Variants in COL11A1 observed in about 807,000 individuals in gnomAD.
COL11A1 encodes collagen type XI alpha 1 chain.
In COL11A1, 74 loss-of-function variants were observed where a neutral mutation model predicts 265.2. The ratio of observed to expected loss-of-function variants is 0.28; its 90% CI spans 0.23 to 0.34. The LOEUF is 0.34. COL11A1 is among the 10% of genes least tolerant of loss of function. The pLI is 1.00. For missense variants in COL11A1, 2,165 were observed against 2,263.6 expected, an observed-to-expected ratio of 0.96 and a Z score of 0.88; for synonymous variants, 816 against 727.6, an observed-to-expected ratio of 1.12 and a Z score of -1.96.
At chr1:103,057,345 C>T (rs904907696) in intron 4 of COL11A1, among the ~76,000 whole-genome samples, 1 of 152,180 alleles carries the variant, frequency 6.6e-6, no homozygotes, top group Non-Finnish European at 1.5e-5. Flanking sequence ...CATCCTTGAG[C>T]TCCATTTCCA....
intron 13 of COL11A1, among the ~76,000 whole-genome samples, chr1:103,012,970 G>A (rs1439079369): frequency 1.3e-5 from 2 of 152,078 alleles, no homozygotes; most frequent in Non-Finnish European, 2.9e-5. Context: ...TAATGCTATA[G>A]AGAAGAATGT....
At chr1:102,989,108 T>A (rs1466385167) in intron 29 of COL11A1, among the ~76,000 whole-genome samples, 1 of 152,080 alleles carries the variant, frequency 6.6e-6, no homozygotes, top group Admixed American at 6.6e-5. Flanking sequence ...TAATGAAAAT[T>A]CATGAAAGTT....
chr1:102,943,469 A>G (rs1030281327), intron 42 of COL11A1, among the ~76,000 whole-genome samples: 7 of 149,272 alleles, frequency 4.7e-5, no homozygotes, highest in Non-Finnish European at 1.0e-4. Flanking sequence ...ACACACACAC[A>G]CACACACACA....
At chr1:103,086,892 A>G (rs556046759) in intron 1 of COL11A1, among the ~76,000 whole-genome samples, 86 of 152,336 alleles carry the variant, frequency 5.6e-4, no homozygotes, top group Non-Finnish European at 1.0e-3. Context: ...TTTTATTTCA[A>G]GTGAACTAAA....
At chr1:103,008,318 T>C (rs567538416) in intron 15 of COL11A1, 145 bp downstream of exon 15, 15 of 674,758 alleles carry the variant, frequency 2.2e-5, no homozygotes, top group Non-Finnish European at 3.4e-5. Context: ...TTCTCTGAAT[T>C]TTTTAATTTC....
Position 103,053,690 on chromosome 1 carries a change from A to G in COL11A1, c.651+20928T>C, listed in dbSNP as rs188499854. 7.2e-5 allele frequency among the ~76,000 whole-genome samples: 11 copies of G among 152,344 alleles called. No homozygotes were observed. The East Asian group carries it at 1.5e-3, about 21-fold the overall frequency. ...AAGTTGTGGCTCTGTCTACTCTTAT[A>G]CAAGTGGTCAGTAGTGGAACTTAAA... On this transcript the variant is annotated intron_variant, in intron 4 of 66. Transcript: ENST00000370096.
intron 45 of COL11A1, 82 bp downstream of exon 45, chr1:102,934,978 A>G: frequency 7.5e-7 from 1 of 1,332,044 alleles, no homozygotes; most frequent in South Asian, 1.2e-5. Flanking sequence ...ACCCCACAAA[A>G]TTGACTGGTT....
chr1:102,913,178 G>C (rs1654895890), intron 53 of COL11A1, among the ~76,000 whole-genome samples: 3 of 152,008 alleles, frequency 2.0e-5, no homozygotes, highest in Non-Finnish European at 4.4e-5. Flanking sequence ...ATAACTAAAT[G>C]TGGTCAAAGT....
At chr1:102,979,210 T>C in intron 32 of COL11A1, 106 bp from the exon 33 acceptor site, 3 of 1,297,816 alleles carry the variant, frequency 2.3e-6, no homozygotes, top group Non-Finnish European at 3.3e-6. Flanking sequence ...CATTCATTCA[T>C]TCGTATTCAT....
At chr1:102,937,146 T>C (rs895148383) in intron 44 of COL11A1, among the ~76,000 whole-genome samples, 1 of 152,166 alleles carries the variant, frequency 6.6e-6, no homozygotes, top group African/African-American at 2.4e-5. Context: ...TACATAAATA[T>C]TTTAAATATA....
intron 31 of COL11A1, among the ~76,000 whole-genome samples, chr1:102,983,243 T>C (rs995808921): frequency 5.9e-5 from 9 of 152,094 alleles, no homozygotes; most frequent in African/African-American, 1.9e-4. Context: ...TTAAAACATG[T>C]ATATTTCAAA....
chr1:103,078,794 T>C lies in COL11A1; in HGVS notation c.352A>G (p.Ile118Val), dbSNP rs202212358. The C allele has an allele frequency of 2.5e-6, 4 of 1,612,522 alleles. No homozygotes were observed. The highest frequency in any genetic ancestry group is 2.2e-5 in the East Asian group (1 of 44,830). The change falls in exon 3 of 67, where the codon ATA becomes GTA. Residue 118 changes from isoleucine (I) to valine (V), a missense_variant. By Grantham distance (29) the Ile-to-Val change is conservative. Transcript: ENST00000370096. ...KKGIQSFLLS[I>V]YNEHGIQQIG... ...TGCTGAATACCATGCTCATTATATA[T>C]AGATAAAAGGAAAGACTGAATTCCT...
chr1:103,105,745 T>G (rs1410015853), intron 1 of COL11A1, among the ~76,000 whole-genome samples: 1 of 152,170 alleles, frequency 6.6e-6, no homozygotes, highest in Non-Finnish European at 1.5e-5. Context: ...GACACTGGGT[T>G]TATTTTTCCC....
chr1:103,011,275 T>G (rs1010288690), intron 14 of COL11A1, among the ~76,000 whole-genome samples: 4 of 152,136 alleles, frequency 2.6e-5, no homozygotes, highest in African/African-American at 9.7e-5. Flanking sequence ...TAACTCTATT[T>G]CATTGGTTAA....
At chr1:102,995,607 A>G (rs900997159) in intron 28 of COL11A1, among the ~76,000 whole-genome samples, 11 of 105,422 alleles carry the variant, frequency 1.0e-4, no homozygotes, top group African/African-American at 3.6e-4. Context: ...AAGCACATGT[A>G]AAAAAAAAAA....
chr1:102,952,987 T>A (rs1190973533), intron 41 of COL11A1, among the ~76,000 whole-genome samples: 1 of 152,204 alleles, frequency 6.6e-6, no homozygotes, highest in African/African-American at 2.4e-5. Context: ...ATCTATTCTC[T>A]TGGGACACTT....
At chr1:103,086,486 G>A (rs1672872752) in intron 1 of COL11A1, among the ~76,000 whole-genome samples, 2 of 152,112 alleles carry the variant, frequency 1.3e-5, no homozygotes, top group South Asian at 4.2e-4. Flanking sequence ...GCGCGATCTC[G>A]GCTCGCTGCA....
rs868116129 is a variant in COL11A1, at chr1:102,940,349, G to A, written c.3362C>T (p.Ser1121Phe). 6.2e-7 allele frequency: 1 copy of A among 1,613,830 alleles called. No individual in the cohort carries two copies. Among genetic ancestry groups the A allele is most frequent in the African/African-American group, 1.3e-5 (1 of 74,998 alleles). ...GLPGPAGPAGSPGEDGDKGEI... is the reference protein window; with the variant it reads ...GLPGPAGPAGFPGEDGDKGEI... ...AACCTTGTCTCCGTCTTCCCCAGGG[G>A]AGCCGGCAGGACCAGCTGGCCCTGG... Residue 1121 changes from serine to phenylalanine, a missense_variant, in exon 43 of 67, where the codon TCC becomes TTC. By Grantham distance (155) the Ser-to-Phe change is radical (BLOSUM62 -2). Transcript: ENST00000370096.
At chr1:102,932,130 T>C (rs565848627) in intron 46 of COL11A1, among the ~76,000 whole-genome samples, 1 of 151,988 alleles carries the variant, frequency 6.6e-6, no homozygotes, top group Non-Finnish European at 1.5e-5. Flanking sequence ...TTTGATCCTG[T>C]CATTATGATG....
Sources: gnomAD v4.1 joint callset for allele counts (sites outside exome capture counted in the v4.1 genomes callset) on GRCh38, gnomAD v4.1.1 for gene constraint, MANE v1.5 for transcripts, NCBI Gene and HGNC (gene_info 2026-07-23, HGNC 2026-07-21) for gene names.